GARIN2: variants seen among roughly 807,000 people sequenced by gnomAD.
GARIN2 encodes the protein Golgi-associated RAB2 interactor protein 2.
chr14:67,196,305 C>A, the GARIN2 span, among the ~76,000 whole-genome samples: 3 of 151,884 alleles, frequency 2.0e-5, no homozygotes, highest in Non-Finnish European at 4.4e-5. Flanking sequence ...CAACCTCCAC[C>A]TCTCATGTTC....
At chr14:67,224,988 A>C in the GARIN2 span, 17 of 736,574 alleles carry the variant, frequency 2.3e-5, no homozygotes, top group East Asian at 4.6e-4. Flanking sequence ...ATCTGAATTT[A>C]ATATTCAAAA....
At chr14:67,211,369 C>A in the GARIN2 span, among the ~76,000 whole-genome samples, 2 of 152,074 alleles carry the variant, frequency 1.3e-5, no homozygotes, top group African/African-American at 2.4e-5. Context: ...TGGTTCTGTA[C>A]CACACAGGAT....
the GARIN2 span, among the ~76,000 whole-genome samples, chr14:67,211,581 TA>T: frequency 6.6e-6 from 1 of 152,196 alleles, no homozygotes; most frequent in African/African-American, 2.4e-5. Flanking sequence ...AGACTTAAAG[TA>T]AAAATTATTT....
At chr14:67,195,712 G>GTTGT in the GARIN2 span, among the ~76,000 whole-genome samples, 1 of 101,748 alleles carries the variant, frequency 9.8e-6, no homozygotes, top group South Asian at 3.6e-4. Context: ...TTTCTTTTTG[G>GTTGT]TTGTGTGTGT....
the GARIN2 span, chr14:67,222,107 C>T: frequency 2.2e-5 from 7 of 313,352 alleles, no homozygotes; most frequent in South Asian, 1.6e-4. Context: ...GCATAAACCA[C>T]GCCAAGCCTA....
At chr14:67,217,563 C>G in the GARIN2 span, among the ~76,000 whole-genome samples, 1 of 152,008 alleles carries the variant, frequency 6.6e-6, no homozygotes, top group Non-Finnish European at 1.5e-5. Flanking sequence ...TTCTCTTTCT[C>G]CTTTGTGTAT....
chr14:67,203,204 C>G, the GARIN2 span: 1 of 1,613,880 alleles, frequency 6.2e-7, no homozygotes, highest in Non-Finnish European at 8.5e-7. Flanking sequence ...TGCTACTGGC[C>G]CATCTGACAC....
the GARIN2 span, among the ~76,000 whole-genome samples, chr14:67,212,386 G>A: frequency 5.9e-5 from 9 of 151,586 alleles, no homozygotes; most frequent in Admixed American, 1.3e-4. Flanking sequence ...CAAGGAGTTC[G>A]AGACCAGCCT....
chr14:67,198,310 AT>A, the GARIN2 span: 8 of 1,612,988 alleles, frequency 5.0e-6, no homozygotes, highest in Non-Finnish European at 6.8e-6. Context: ...TTAGAGAGCA[AT>A]TTTATCCAGG....
At chr14:67,208,914 AG>A in the GARIN2 span, among the ~76,000 whole-genome samples, 3 of 151,714 alleles carry the variant, frequency 2.0e-5, no homozygotes, top group East Asian at 1.9e-4. Context: ...AAAAAAGAAA[AG>A]AAAAAAAAAA....
chr14:67,203,321 A>C, the GARIN2 span: 32 of 1,528,592 alleles, frequency 2.1e-5, 2 homozygotes, highest in South Asian at 3.8e-4. Flanking sequence ...GAGGTTAAAG[A>C]TCTCTCAGAA....
At chr14:67,208,284 T>A in the GARIN2 span, 4 of 1,613,864 alleles carry the variant, frequency 2.5e-6, no homozygotes, top group Non-Finnish European at 2.5e-6. Context: ...TCAAAACATG[T>A]CACCATCTCA....
At chr14:67,200,112 G>A in the GARIN2 span, 1 of 1,044,920 alleles carries the variant, frequency 9.6e-7, no homozygotes, top group Non-Finnish European at 1.4e-6. Context: ...CAATGGGCAT[G>A]CCCCCCCGAA....
the GARIN2 span, chr14:67,200,081 T>G: frequency 1.0e-6 from 1 of 976,908 alleles, no homozygotes; most frequent in Admixed American, 2.5e-5. Flanking sequence ...CCACCTGGAA[T>G]GCCTTATCCT....
At chr14:67,223,075 C>G in the GARIN2 span, among the ~76,000 whole-genome samples, 225 of 148,450 alleles carry the variant, frequency 1.5e-3, 1 homozygote, top group African/African-American at 5.6e-3. Context: ...TCTTGGCTCA[C>G]TGCAACCTCC....
At chr14:67,217,673 C>T in the GARIN2 span, among the ~76,000 whole-genome samples, 8 of 151,964 alleles carry the variant, frequency 5.3e-5, no homozygotes, top group African/African-American at 1.9e-4. Context: ...TTTTGTAAGG[C>T]CAATCTAGTG....
At chr14:67,227,506 A>G in the GARIN2 span, 2 of 151,962 alleles carry the variant, frequency 1.3e-5, no homozygotes, top group South Asian at 2.1e-4. Flanking sequence ...AATTGCTGAT[A>G]TATGGGAAAA....
the GARIN2 span, among the ~76,000 whole-genome samples, chr14:67,216,667 A>G: frequency 6.6e-6 from 1 of 152,080 alleles, no homozygotes; most frequent in Non-Finnish European, 1.5e-5. Flanking sequence ...CCCATTGGTC[A>G]TTTAGGAGCA....
At chr14:67,199,607 A>G in the GARIN2 span, 1 of 1,589,556 alleles carries the variant, frequency 6.3e-7, no homozygotes, top group East Asian at 2.2e-5. Context: ...GAAGGACTCC[A>G]AGGGTGAGCG....
Sources: gnomAD v4.1 joint callset for allele counts (sites outside exome capture counted in the v4.1 genomes callset) on GRCh38, gnomAD v4.1.1 for gene constraint, MANE v1.5 for transcripts, NCBI Gene and HGNC (gene_info 2026-07-23, HGNC 2026-07-21) for gene names.